DACH2: variants seen among roughly 807,000 people sequenced by gnomAD.
DACH2 encodes the protein dachshund family transcription factor 2.
A neutral mutation model predicts 35.8 loss-of-function variants in DACH2; 17 were observed. The ratio of observed to expected loss-of-function variants is 0.48; its 90% CI spans 0.33 to 0.71. The LOEUF is 0.71. DACH2 is among the 30% of genes least tolerant of loss of function. The pLI is 0.02. For synonymous variants in DACH2, 195 were observed against 177.3 expected (o/e 1.10, Z -0.79); for missense variants, 469 against 472.7 (o/e 0.99, Z 0.07).
intron 3 of DACH2, among the ~76,000 whole-genome samples, chrX:86,600,644 G>T (rs767095470): frequency 3.1e-4 from 35 of 111,728 alleles, no homozygotes; most frequent in Non-Finnish European, 6.2e-4. Flanking sequence ...AAAGTCTTTG[G>T]CAGGCACATT....
chrX:86,358,391 G>T (rs1323594279), intron 1 of DACH2, among the ~76,000 whole-genome samples: 1 of 107,537 alleles, frequency 9.3e-6, no homozygotes, highest in Non-Finnish European at 1.9e-5. Context: ...ATTTACCTGA[G>T]ATAGAAATGT....
intron 1 of DACH2, 48 bp downstream of exon 1, chrX:86,149,156 C>T: frequency 8.8e-7 from 1 of 1,139,235 alleles, no homozygotes; most frequent in Non-Finnish European, 1.2e-6. Flanking sequence ...CCCCTTTGGC[C>T]TCTTCTGCAT....
intron 4 of DACH2, among the ~76,000 whole-genome samples, chrX:86,675,589 T>C (rs1016122024): frequency 1.8e-5 from 2 of 110,767 alleles, no homozygotes; most frequent in Non-Finnish European, 3.8e-5. Flanking sequence ...GAGGCTGACA[T>C]AGAAGGATCA....
intron 6 of DACH2, among the ~76,000 whole-genome samples, chrX:86,738,413 C>T (rs1019250721): frequency 8.9e-6 from 1 of 111,894 alleles, no homozygotes; most frequent in African/African-American, 3.2e-5. Flanking sequence ...TGTACAAGCA[C>T]ATATTCGACA....
chrX:86,430,332 T>A (rs1227419925), intron 2 of DACH2, among the ~76,000 whole-genome samples: 1 of 112,214 alleles, frequency 8.9e-6, no homozygotes, highest in Non-Finnish European at 1.9e-5. Context: ...TCAAAGATAG[T>A]ATGGAAAATG....
At chrX:86,586,661 C>T (rs2039575313) in intron 3 of DACH2, among the ~76,000 whole-genome samples, 1 of 111,722 alleles carries the variant, frequency 9.0e-6, no homozygotes, top group African/African-American at 3.2e-5. Flanking sequence ...GTTATCCTGG[C>T]ACCATTTATT....
chrX:86,741,591 C>T (rs143799996), intron 7 of DACH2, among the ~76,000 whole-genome samples: 163 of 111,711 alleles, frequency 1.5e-3, no homozygotes, highest in South Asian at 3.0e-3. Flanking sequence ...CTCTTTTCTA[C>T]GACATAGACT....
chrX:86,165,794 T>C (rs776304431), intron 1 of DACH2, among the ~76,000 whole-genome samples: 5 of 111,691 alleles, frequency 4.5e-5, no homozygotes, highest in South Asian at 7.4e-4. Context: ...TCTCTTCACT[T>C]TGTTAAATGT....
intron 1 of DACH2, among the ~76,000 whole-genome samples, chrX:86,272,199 A>AGAGTGT (rs1556008345): frequency 1.0e-5 from 1 of 100,456 alleles, no homozygotes; most frequent in Non-Finnish European, 2.0e-5. Flanking sequence ...TTCCTTTGAG[A>AGAGTGT]GTGTGTGTGT....
chrX:86,571,603 GA>G (rs1332738040), intron 3 of DACH2, among the ~76,000 whole-genome samples: 3 of 110,897 alleles, frequency 2.7e-5, no homozygotes, highest in African/African-American at 9.8e-5. Context: ...ATTGAGCAAT[GA>G]GAACACATGG....
rs1028506081 is a variant in DACH2, at chrX:86,532,692, G to C, written c.640+18301G>C. 2.7e-5 allele frequency among the ~76,000 whole-genome samples: 3 copies of C among 111,128 alleles called. No individual in the cohort carries two copies. In the South Asian group the frequency reaches 1.1e-3, roughly 42 times the overall value. ...AAAATGAACTAATAGTCTAGTTCAA[G>C]TTCTGTTAGAGATACTTATTGAGAT... On this transcript the variant is annotated intron_variant, in intron 3 of 11. Coordinates refer to ENST00000373125, the MANE Select transcript of DACH2 (RefSeq NM_053281.3).
At position 86,801,033 on chromosome X, in the gene DACH2, A is replaced by C. The variant is rs1162203103; in HGVS notation, c.1241-11823A>C. Among the ~76,000 whole-genome samples the C allele has an allele frequency of 3.6e-5, 4 of 111,342 alleles. No homozygotes were observed. In the Admixed American group the frequency reaches 3.8e-4, roughly 11 times the overall value. ...ACAAGAAAAAAAATGTGAAAATTGCAGTGCTTTGCCTTGTTAATTAAATAT... is the reference window on the plus strand; with the variant it reads ...ACAAGAAAAAAAATGTGAAAATTGCCGTGCTTTGCCTTGTTAATTAAATAT... On this transcript the variant is annotated intron_variant, in intron 7 of 11. Coordinates refer to ENST00000373125, the MANE Select transcript of DACH2 (RefSeq NM_053281.3).
intron 1 of DACH2, among the ~76,000 whole-genome samples, chrX:86,340,396 C>T (rs2035392754): frequency 1.8e-5 from 2 of 111,361 alleles, no homozygotes; most frequent in African/African-American, 6.5e-5. Flanking sequence ...TATTTCGGAA[C>T]ACCACAAACC....
At chrX:86,246,962 C>A (rs2033297297) in intron 1 of DACH2, among the ~76,000 whole-genome samples, 1 of 110,609 alleles carries the variant, frequency 9.0e-6, no homozygotes, top group African/African-American at 3.3e-5. Flanking sequence ...TGGATAGGCT[C>A]AAAGAAAAGG....
chrX:86,318,167 A>G (rs1170608992), intron 1 of DACH2, among the ~76,000 whole-genome samples: 2 of 112,175 alleles, frequency 1.8e-5, no homozygotes, highest in Non-Finnish European at 3.8e-5. Context: ...TGTTTACAGG[A>G]GTATACCTTA....
intron 2 of DACH2, among the ~76,000 whole-genome samples, chrX:86,462,140 T>TA (rs201323760): frequency 0.037 from 4,152 of 111,144 alleles, 91 homozygotes; most frequent in Non-Finnish European, 0.061. Flanking sequence ...ACCTTAATGA[T>TA]AAAAAACATG....
intron 6 of DACH2, among the ~76,000 whole-genome samples, chrX:86,737,315 A>G (rs1425724952): frequency 8.9e-6 from 1 of 111,783 alleles, no homozygotes; most frequent in Non-Finnish European, 1.9e-5. Context: ...GACTAAATAT[A>G]AAAGAAATGT....
At chrX:86,214,307 C>T (rs753775407) in intron 1 of DACH2, among the ~76,000 whole-genome samples, 6 of 112,066 alleles carry the variant, frequency 5.4e-5, no homozygotes, top group African/African-American at 1.3e-4. Context: ...AACACTTGAG[C>T]CAAGCATTCA....
intron 2 of DACH2, among the ~76,000 whole-genome samples, chrX:86,489,069 G>T (rs2038058870): frequency 9.0e-6 from 1 of 111,458 alleles, no homozygotes; most frequent in South Asian, 3.7e-4. Context: ...CCCATACTGA[G>T]ATCTTATTTT....
Sources: gnomAD v4.1 joint callset for allele counts (sites outside exome capture counted in the v4.1 genomes callset) on GRCh38, gnomAD v4.1.1 for gene constraint, MANE v1.5 for transcripts, NCBI Gene and HGNC (gene_info 2026-07-23, HGNC 2026-07-21) for gene names.